Variants in IMMP2L observed in about 807,000 individuals in gnomAD.
IMMP2L encodes the protein mitochondrial inner membrane protease subunit 2.
A neutral mutation model predicts 19.3 loss-of-function variants in IMMP2L; 18 were observed. That is an observed-to-expected ratio of 0.93 (90% confidence interval 0.64 to 1.38). The LOEUF is 1.38. Among genes scored for constraint, IMMP2L ranks in the 40% most tolerant of loss-of-function variants. IMMP2L has a pLI of 0.00. For missense variants in IMMP2L, 233 were observed against 218.2 expected (o/e 1.07, Z -0.43); for synonymous variants, 76 against 73.0 (o/e 1.04, Z -0.21).
chr7:111,307,020 T>C (rs1015618943), intron 3 of IMMP2L, among the ~76,000 whole-genome samples: 20 of 149,382 alleles, frequency 1.3e-4, no homozygotes, highest in African/African-American at 4.9e-4. Flanking sequence ...ATTCTATATA[T>C]ATTTTTCTAT....
chr7:111,024,683 C>T (rs1826637488), intron 3 of IMMP2L, among the ~76,000 whole-genome samples: 1 of 152,148 alleles, frequency 6.6e-6, no homozygotes, highest in Non-Finnish European at 1.5e-5. Flanking sequence ...TCCTCCCTGG[C>T]TTTTATCCTT....
rs1238878375 is a variant in IMMP2L at position 111,123,305 on chromosome 7, T to G, written c.240-159740A>C. The G allele has an allele frequency of 6.2e-7, 1 of 1,613,890 alleles. No homozygotes were observed. The highest frequency in any genetic ancestry group is 8.5e-7 in the Non-Finnish European group (1 of 1,179,938). ...CATCTCAATTCAAATAGATTGCAGA[T>G]GATCAACAGTAAGTGGTTTGATGCT... On this transcript the variant is annotated intron_variant, in intron 3 of 5. Transcript: ENST00000405709. The surrounding 1 kb of genome is among the most constrained non-coding windows in gnomAD (Gnocchi z 6.4).
rs180839937 is a variant in IMMP2L at position 111,557,985 on chromosome 7, C to T, written c.-3+3866G>A. On this transcript the variant is annotated intron_variant, in intron 1 of 5. Transcript: ENST00000405709. ...CATCTGTTACTGTAGTACAGATATC[C>T]ATTACTAAGTCCTAACCATTAAAAA... Among the ~76,000 whole-genome samples, 85 of 151,642 alleles carry T rather than the reference C, an allele frequency of 5.6e-4. 2 individuals are homozygous for T. The highest frequency in any genetic ancestry group is 1.9e-3 in the African/African-American group (79 of 41,340).
intron 5 of IMMP2L, among the ~76,000 whole-genome samples, chr7:110,743,861 GTT>G (rs371709363): frequency 6.7e-6 from 1 of 148,402 alleles, no homozygotes; most frequent in Non-Finnish European, 1.5e-5. Context: ...AGCTGGAGGA[GTT>G]TTTTTTTTTC....
At chr7:111,426,244 C>T (rs982037047) in intron 3 of IMMP2L, among the ~76,000 whole-genome samples, 1 of 150,930 alleles carries the variant, frequency 6.6e-6, no homozygotes, top group African/African-American at 2.4e-5. Flanking sequence ...GTACATTAAT[C>T]CCTCCTTTTT....
chr7:111,383,932 T>C (rs1831454854), intron 3 of IMMP2L, among the ~76,000 whole-genome samples: 1 of 152,094 alleles, frequency 6.6e-6, no homozygotes, highest in Admixed American at 6.6e-5. Flanking sequence ...TCATCTATGC[T>C]CTTGTGTCTT....
chr7:111,056,064 A>C (rs2129573945), intron 3 of IMMP2L, among the ~76,000 whole-genome samples: 1 of 152,338 alleles, frequency 6.6e-6, no homozygotes, highest in South Asian at 2.1e-4. Flanking sequence ...ATTCATCTCT[A>C]ATTCTATATT....
At chr7:111,250,088 C>T (rs1014850529) in intron 3 of IMMP2L, among the ~76,000 whole-genome samples, 4 of 152,074 alleles carry the variant, frequency 2.6e-5, no homozygotes, top group Admixed American at 6.6e-5. Context: ...GTGCAAAAAT[C>T]GCTAACGTTC....
chr7:111,535,323 A>C (rs1847786405), intron 1 of IMMP2L, among the ~76,000 whole-genome samples: 1 of 152,038 alleles, frequency 6.6e-6, no homozygotes, highest in Admixed American at 6.6e-5. Flanking sequence ...GAAGGAAGGG[A>C]GGGAAGGAAA....
chr7:111,206,277 GAAAC>G (rs1387323498), intron 3 of IMMP2L, among the ~76,000 whole-genome samples: 1 of 152,164 alleles, frequency 6.6e-6, no homozygotes, highest in African/African-American at 2.4e-5. Flanking sequence ...CCACCCAGAG[GAAAC>G]AAACAAAAAC....
At chr7:111,301,141 T>C (rs1822192528) in intron 3 of IMMP2L, among the ~76,000 whole-genome samples, 1 of 152,134 alleles carries the variant, frequency 6.6e-6, no homozygotes, top group African/African-American at 2.4e-5. Context: ...GTCATTCTGA[T>C]AGGTGTGTAG....
Position 110,705,452 on chromosome 7 carries a change from A to G in IMMP2L, c.409-41731T>C, listed in dbSNP as rs114328494. The stretch of plus-strand genomic sequence containing the variant: ...CCCCTAAGAGGTAGTTCCCCAGGTA[A>G]TGAATTTTGCCAACATAATAAAAGA... On this transcript the variant is annotated intron_variant, in intron 5 of 5. Transcript: ENST00000405709. Among the ~76,000 whole-genome samples the G allele has an allele frequency of 7.6e-3, 1,151 of 152,270 alleles. 16 individuals carry two copies. The highest frequency in any genetic ancestry group is 0.026 in the African/African-American group (1,072 of 41,510).
chr7:110,857,453 T>C (rs936950310), intron 5 of IMMP2L, among the ~76,000 whole-genome samples: 3 of 152,068 alleles, frequency 2.0e-5, no homozygotes, highest in Non-Finnish European at 4.4e-5. Context: ...TAAGAAAAAT[T>C]TGACTAACAT....
intron 3 of IMMP2L, among the ~76,000 whole-genome samples, chr7:111,068,391 A>G (rs367709912): frequency 2.0e-5 from 3 of 152,338 alleles, no homozygotes; most frequent in East Asian, 3.9e-4. Context: ...ATATAAATTA[A>G]TATGTAAAAC....
chr7:111,210,319 G>A (rs1811174755), intron 3 of IMMP2L, among the ~76,000 whole-genome samples: 1 of 152,182 alleles, frequency 6.6e-6, no homozygotes, highest in African/African-American at 2.4e-5. Context: ...ACATAATTAT[G>A]TGGCTATCTT....
At chr7:111,042,945 T>C (rs374116458) in intron 3 of IMMP2L, among the ~76,000 whole-genome samples, 42 of 152,344 alleles carry the variant, frequency 2.8e-4, no homozygotes, top group African/African-American at 5.3e-4. Flanking sequence ...TGGCTTATAA[T>C]TGAAATTCGA....
chr7:111,225,713 T>C (rs1469790689), intron 3 of IMMP2L, among the ~76,000 whole-genome samples: 1 of 123,174 alleles, frequency 8.1e-6, no homozygotes, highest in Non-Finnish European at 1.7e-5. Context: ...AAAAAAAGAA[T>C]GGGTGGTTAA....
chr7:110,960,023 T>C (rs1255122411), intron 4 of IMMP2L, among the ~76,000 whole-genome samples: 1 of 151,972 alleles, frequency 6.6e-6, no homozygotes, highest in Non-Finnish European at 1.5e-5. Context: ...TTGTTGACTG[T>C]TCAGCTAGTG....
In IMMP2L at chr7:111,123,438, A is replaced by G. The variant is rs1800895717; in HGVS notation, c.240-159873T>C. On this transcript the variant is annotated intron_variant, in intron 3 of 5. Coordinates refer to ENST00000405709, the MANE Select transcript of IMMP2L (RefSeq NM_032549.4). This position sits in a 1 kb window ranked among gnomAD's most constrained non-coding sequence, Gnocchi z 6.4. ...TTCGCAGCCTGGTTATAGCTGGTAT[A>G]AACCTCACAGAAATACCAGATAACG... 1.2e-6 allele frequency: 2 copies of G among 1,613,554 alleles called. No individual in the cohort carries two copies. The highest frequency in any genetic ancestry group is 1.7e-6 in the Non-Finnish European group (2 of 1,179,830).
Sources: gnomAD v4.1 joint callset for allele counts (sites outside exome capture counted in the v4.1 genomes callset) on GRCh38, gnomAD v4.1.1 for gene constraint, Gnocchi (gnomAD v3.1) non-coding constraint, MANE v1.5 for transcripts, NCBI Gene and HGNC (gene_info 2026-07-23, HGNC 2026-07-21) for gene names.